Variants in SGCZ observed in about 807,000 individuals in gnomAD.
SGCZ encodes the protein sarcoglycan zeta.
SGCZ carries 40 observed loss-of-function variants against 41.3 expected under a neutral mutation model. The observed-to-expected ratio is 0.97, with a 90% confidence interval of 0.75 to 1.26. The LOEUF (loss-of-function observed/expected upper bound fraction) is 1.26. SGCZ is among the 50% of genes most tolerant of loss of function. The pLI is 0.00. For synonymous variants in SGCZ, 206 were observed against 137.5 expected (o/e 1.50, Z -3.49); for missense variants, 552 against 369.8 (o/e 1.49, Z -4.04).
In SGCZ at chr8:14,553,273, G is replaced by C. The variant is rs182218719; in HGVS notation, c.234+1459C>G. ...TAAAGTGAGCCAACTCTTAGACAAA[G>C]AAGTGATTCAGATGCATTCCCAGAG... On this transcript the variant is annotated intron_variant, in intron 2 of 7. Transcript: ENST00000382080. Among the ~76,000 whole-genome samples the C allele has an allele frequency of 2.1e-3, 325 of 152,098 alleles. 6 individuals carry two copies. Among genetic ancestry groups the C allele is most frequent in the Admixed American group, 0.021 (320 of 15,240 alleles).
intron 1 of SGCZ, among the ~76,000 whole-genome samples, chr8:14,790,291 C>T (rs551513402): frequency 5.9e-5 from 9 of 152,068 alleles, no homozygotes; most frequent in Admixed American, 2.6e-4. Flanking sequence ...ATCAAATATA[C>T]GTAAATTAAA....
At chr8:14,605,626 T>G (rs959056328) in intron 1 of SGCZ, among the ~76,000 whole-genome samples, 1 of 152,124 alleles carries the variant, frequency 6.6e-6, no homozygotes, top group Non-Finnish European at 1.5e-5. Flanking sequence ...CAATTAATTT[T>G]TAGGTTCCAC....
chr8:14,258,709 C>T (rs891487347), intron 3 of SGCZ, among the ~76,000 whole-genome samples: 7 of 152,084 alleles, frequency 4.6e-5, no homozygotes, highest in Non-Finnish European at 1.0e-4. Context: ...ATTAGTTTAC[C>T]TGCAAGCAGG....
chr8:14,356,073 C>G (rs768066396), intron 2 of SGCZ, among the ~76,000 whole-genome samples: 4 of 152,134 alleles, frequency 2.6e-5, no homozygotes, highest in Non-Finnish European at 5.9e-5. Flanking sequence ...GGCAGTGAGA[C>G]CACAGCTTCC....
intron 2 of SGCZ, among the ~76,000 whole-genome samples, chr8:14,470,748 G>A (rs1801191481): frequency 6.6e-6 from 1 of 152,128 alleles, no homozygotes; most frequent in African/African-American, 2.4e-5. Flanking sequence ...AGTGCCAAAT[G>A]TATGAAATCA....
intron 2 of SGCZ, among the ~76,000 whole-genome samples, chr8:14,351,019 T>C (rs776046675): frequency 2.0e-5 from 3 of 152,124 alleles, no homozygotes; most frequent in Non-Finnish European, 2.9e-5. Flanking sequence ...CTCTCAGCTT[T>C]TGCTGTACAA....
intron 1 of SGCZ, among the ~76,000 whole-genome samples, chr8:15,047,747 C>G (rs1804364568): frequency 6.6e-6 from 1 of 151,998 alleles, no homozygotes; most frequent in Non-Finnish European, 1.5e-5. Context: ...GCTGCATTAA[C>G]AAGCTTTTAT....
intron 3 of SGCZ, among the ~76,000 whole-genome samples, chr8:14,278,008 A>T (rs1800295410): frequency 6.6e-6 from 1 of 152,128 alleles, no homozygotes; most frequent in Non-Finnish European, 1.5e-5. Flanking sequence ...CGAAGAGATT[A>T]CCTATGGGAA....
intron 2 of SGCZ, among the ~76,000 whole-genome samples, chr8:14,482,376 G>C (rs1039201809): frequency 2.0e-5 from 3 of 152,124 alleles, no homozygotes; most frequent in Non-Finnish European, 2.9e-5. Context: ...GTCAAGCTTT[G>C]GGAGTCAGAG....
chr8:14,674,928 G>GCTTTTTTTTTTTTTTT (rs1554478141), intron 1 of SGCZ, among the ~76,000 whole-genome samples: 919 of 71,018 alleles, frequency 0.013, 248 homozygotes, highest in African/African-American at 0.036. Context: ...TTTCTTTTCT[G>GCTTTTTTTTTTTTTTT]TTTTTTTTTT....
chr8:14,997,123 G>C (rs751247568), intron 1 of SGCZ, among the ~76,000 whole-genome samples: 1 of 152,196 alleles, frequency 6.6e-6, no homozygotes, highest in Middle Eastern at 3.4e-3. Flanking sequence ...TTTACTCCAC[G>C]ATTGCATATC....
At chr8:14,343,516 T>C (rs1802781939) in intron 2 of SGCZ, among the ~76,000 whole-genome samples, 1 of 152,194 alleles carries the variant, frequency 6.6e-6, no homozygotes, top group African/African-American at 2.4e-5. Flanking sequence ...ATTTGCTGAT[T>C]AGAGGCTAAG....
chr8:14,576,256 G>A (rs781002604), intron 1 of SGCZ, among the ~76,000 whole-genome samples: 2 of 152,136 alleles, frequency 1.3e-5, no homozygotes, highest in Non-Finnish European at 2.9e-5. Context: ...AATGTAAAGT[G>A]AAAACAGGGT....
chr8:15,173,569 G>C (rs980794813), intron 1 of SGCZ, among the ~76,000 whole-genome samples: 1 of 152,132 alleles, frequency 6.6e-6, no homozygotes, highest in Non-Finnish European at 1.5e-5. Context: ...CAAAATATGT[G>C]TAAATTAAAG....
At chr8:14,568,361 G>A (rs1475794746) in intron 1 of SGCZ, among the ~76,000 whole-genome samples, 1 of 144,358 alleles carries the variant, frequency 6.9e-6, no homozygotes, top group Non-Finnish European at 1.5e-5. Flanking sequence ...TAACAAACCT[G>A]CACATTCAGC....
chr8:14,826,459 T>A (rs1283845107), intron 1 of SGCZ, among the ~76,000 whole-genome samples: 3 of 152,128 alleles, frequency 2.0e-5, no homozygotes, highest in African/African-American at 7.2e-5. Flanking sequence ...AGTAATGGGA[T>A]GGCTGGGTCA....
intron 1 of SGCZ, among the ~76,000 whole-genome samples, chr8:14,796,385 C>G (rs1044059744): frequency 7.9e-5 from 12 of 151,828 alleles, no homozygotes; most frequent in Admixed American, 7.2e-4. Context: ...TCTCAAGTTG[C>G]TGGTATTACA....
intron 2 of SGCZ, among the ~76,000 whole-genome samples, chr8:14,329,834 T>A (rs1313963791): frequency 6.6e-6 from 1 of 151,088 alleles, no homozygotes; most frequent in Non-Finnish European, 1.5e-5. Context: ...GGTATTTGTT[T>A]TTTGTTTTGG....
At chr8:14,156,732 T>C (rs1228251121) in intron 5 of SGCZ, among the ~76,000 whole-genome samples, 1 of 152,138 alleles carries the variant, frequency 6.6e-6, no homozygotes, top group Non-Finnish European at 1.5e-5. Flanking sequence ...ACATTTTTGC[T>C]AAACACCAAG....
Sources: gnomAD v4.1 joint callset for allele counts (sites outside exome capture counted in the v4.1 genomes callset) on GRCh38, gnomAD v4.1.1 for gene constraint, MANE v1.5 for transcripts, NCBI Gene and HGNC (gene_info 2026-07-23, HGNC 2026-07-21) for gene names.